RAPH1: variants seen among roughly 807,000 people sequenced by gnomAD.
The protein encoded by RAPH1 is Ras association (RalGDS/AF-6) and pleckstrin homology domains 1.
A neutral mutation model predicts 88.1 loss-of-function variants in RAPH1; 18 were observed. The ratio of observed to expected loss-of-function variants is 0.20; its 90% CI spans 0.14 to 0.30. The LOEUF (loss-of-function observed/expected upper bound fraction) is 0.30. Ranked by LOEUF, RAPH1 falls within the 10% of genes least tolerant of loss-of-function variation. RAPH1 has a pLI of 1.00. For synonymous variants in RAPH1, 587 were observed against 559.0 expected, an observed-to-expected ratio of 1.05 and a Z score of -0.71; for missense variants, 1,448 against 1,543.2, an observed-to-expected ratio of 0.94 and a Z score of 1.03.
intron 4 of RAPH1, among the ~76,000 whole-genome samples, chr2:203,463,447 C>T (rs993337923): frequency 1.6e-4 from 25 of 152,224 alleles, no homozygotes; most frequent in African/African-American, 5.1e-4. Context: ...TTATGAACTA[C>T]TTTTCTATTT....
chr2:203,467,630 A>G (rs1378310823), intron 4 of RAPH1, among the ~76,000 whole-genome samples: 1 of 151,970 alleles, frequency 6.6e-6, no homozygotes, highest in African/African-American at 2.4e-5. Context: ...AAAATTCGCT[A>G]TATACAGGAG....
At position 203,448,091 on chromosome 2, in the gene RAPH1, A is replaced by G; in HGVS notation, c.1513-12T>C. 3 of 1,612,880 alleles carry G rather than the reference A, an allele frequency of 1.9e-6. No individual in the cohort carries two copies. The highest frequency in any genetic ancestry group is 2.5e-6 in the Non-Finnish European group (3 of 1,179,336). On this transcript the variant is annotated splice_polypyrimidine_tract_variant and intron_variant, in intron 11 of 13. Coordinates refer to ENST00000319170, the MANE Select transcript of RAPH1 (RefSeq NM_213589.3). This position sits in a 1 kb window ranked among gnomAD's most constrained non-coding sequence, Gnocchi z 4.1. The stretch of plus-strand genomic sequence containing the variant: ...AGCTGCTTCCCATACTAAAGAGAAG[A>G]CAGGAAATGGTGACATCTAAACTTT...
At chr2:203,514,623 C>T (rs1245853984) in intron 1 of RAPH1, among the ~76,000 whole-genome samples, 2 of 151,976 alleles carry the variant, frequency 1.3e-5, no homozygotes, top group Admixed American at 1.3e-4. Flanking sequence ...GGCGTGATCT[C>T]GGCTCACTGC....
At chr2:203,441,938 A>G in intron 13 of RAPH1, 1 of 1,383,676 alleles carries the variant, frequency 7.2e-7, no homozygotes, top group Non-Finnish European at 9.4e-7. Flanking sequence ...GGAGAGTATG[A>G]GAATGTTGAG....
chr2:203,477,285 A>G (rs1013643320), intron 4 of RAPH1: 3 of 692,082 alleles, frequency 4.3e-6, no homozygotes, highest in South Asian at 1.8e-5. Flanking sequence ...ATAGTAATGA[A>G]AAGTTGCATG....
intron 1 of RAPH1, among the ~76,000 whole-genome samples, chr2:203,506,746 A>ATATATATATATCTATATATATATC (rs1252865697): frequency 8.4e-6 from 1 of 118,866 alleles, no homozygotes; most frequent in African/African-American, 4.2e-5. Flanking sequence ...ATATATCTAT[A>ATATATATATATCTATATATATATC]TATATATATA....
chr2:203,490,108 A>G lies in RAPH1; in HGVS notation c.227-19T>C. On this transcript the variant is annotated intron_variant, in intron 3 of 13. Transcript: ENST00000319170. Reference sequence around the variant, plus strand: ...AGAGCTTCTGCAATGAACAACACATAATGTTTCCAGAATTTATACATTCTA... The same window carrying G: ...AGAGCTTCTGCAATGAACAACACATGATGTTTCCAGAATTTATACATTCTA... 3.2e-6 allele frequency: 5 copies of G among 1,559,298 alleles called. No homozygotes were observed. Among genetic ancestry groups the G allele is most frequent in the Non-Finnish European group, 4.3e-6 (5 of 1,155,038 alleles).
Position 203,495,323 on chromosome 2 carries a change from G to A in RAPH1, c.31C>T (p.His11Tyr). 1 of 1,613,898 alleles carries A rather than the reference G, an allele frequency of 6.2e-7. No individual in the cohort carries two copies. The highest frequency in any genetic ancestry group is 8.5e-7 in the Non-Finnish European group (1 of 1,179,904). MEQLSDEEID[H>Y]GAEEDSDKED... is the part of the protein sequence containing the mutation. The stretch of plus-strand genomic sequence containing the variant: ...TTGTCACTGTCTTCTTCAGCACCAT[G>A]ATCAATTTCTTCATCTGATAGCTGC... Residue 11 changes from histidine to tyrosine, a missense_variant, in exon 2 of 14, where the codon CAT (histidine) becomes TAT (tyrosine). Physicochemically the swap from His to Tyr is moderately conservative, Grantham distance 83. Transcript: ENST00000319170.
chr2:203,514,114 T>C (rs569332612), intron 1 of RAPH1, among the ~76,000 whole-genome samples: 22 of 152,228 alleles, frequency 1.4e-4, no homozygotes, highest in African/African-American at 4.6e-4. Context: ...AGTGCTGGGA[T>C]TGCAGGCATG....
At chr2:203,487,258 A>G (rs747627765) in intron 4 of RAPH1, among the ~76,000 whole-genome samples, 6 of 152,248 alleles carry the variant, frequency 3.9e-5, no homozygotes, top group Non-Finnish European at 8.8e-5. Flanking sequence ...TGGCCAAGAA[A>G]GCACATCCCT....
intron 4 of RAPH1, among the ~76,000 whole-genome samples, chr2:203,486,196 G>C (rs950838675): frequency 6.6e-6 from 1 of 152,080 alleles, no homozygotes; most frequent in Admixed American, 6.5e-5. Flanking sequence ...TCAACTGGGA[G>C]AAAGTCTGAA....
At chr2:203,471,602 C>T (rs990282986) in intron 4 of RAPH1, among the ~76,000 whole-genome samples, 1 of 151,674 alleles carries the variant, frequency 6.6e-6, no homozygotes. Flanking sequence ...ACAAGTGAAA[C>T]TCTTGTCTCA....
chr2:203,483,166 T>C (rs1425563142), intron 4 of RAPH1, among the ~76,000 whole-genome samples: 2 of 152,160 alleles, frequency 1.3e-5, no homozygotes, highest in African/African-American at 4.8e-5. Flanking sequence ...ATGCAAAGCC[T>C]TTAGGTTTGA....
Position 203,459,972 on chromosome 2 carries a change from C to T in RAPH1, c.1027G>A (p.Asp343Asn). The change falls in exon 7 of 14, where the codon GAT becomes AAT. Residue 343 changes from aspartate (D) to asparagine (N), a missense_variant. Physicochemically the swap from Asp to Asn is conservative, Grantham distance 23. Coordinates refer to ENST00000319170, the MANE Select transcript of RAPH1 (RefSeq NM_213589.3). ...LVENLLNWTR[D>N]SQNKLIFMER... is the part of the protein sequence containing the mutation. ...ATAAATATAAGCTTGTTTTGGCTAT[C>T]TCTTGTCCAATTAAGAAGATTTTCA... 1 of 1,611,244 alleles carries T rather than the reference C, an allele frequency of 6.2e-7. No homozygotes were observed. Among genetic ancestry groups the T allele is most frequent in the Non-Finnish European group, 8.5e-7 (1 of 1,177,868 alleles).
At chr2:203,447,139 A>G (rs1280963080) in intron 12 of RAPH1, 3 of 146,784 alleles carry the variant, frequency 2.0e-5, no homozygotes, top group Non-Finnish European at 3.0e-5. Flanking sequence ...CTGCAGCCCT[A>G]TAATTTGCCA....
intron 4 of RAPH1, among the ~76,000 whole-genome samples, chr2:203,487,302 C>T (rs983696460): frequency 1.3e-5 from 2 of 152,122 alleles, no homozygotes; most frequent in Non-Finnish European, 1.5e-5. Flanking sequence ...GCAGGTAAAT[C>T]TAAAGGACAT....
chr2:203,506,898 A>ATTTT (rs1243668890), intron 1 of RAPH1, among the ~76,000 whole-genome samples: 15 of 87,866 alleles, frequency 1.7e-4, no homozygotes, highest in African/African-American at 8.3e-4. Flanking sequence ...ATATATATAT[A>ATTTT]TTTTTTTTTT....
rs776683923 is a variant in RAPH1 at position 203,495,224 on chromosome 2, C to T, written c.120+10G>A. On this transcript the variant is annotated intron_variant, in intron 2 of 13. Transcript: ENST00000319170. ...TCAAATCCTCAACCAGTTTTTCAAG[C>T]ACTACTCACCTGAGTGAGTTTGTCT... 19 of 1,613,252 alleles carry T rather than the reference C, an allele frequency of 1.2e-5. No homozygotes were observed. The highest frequency in any genetic ancestry group is 1.4e-5 in the Non-Finnish European group (17 of 1,179,754).
Position 203,489,692 on chromosome 2 carries a change from G to A in RAPH1, c.624C>T (p.Ser208=). 1 of 1,614,130 alleles carries A rather than the reference G, an allele frequency of 6.2e-7. No homozygotes were observed. Among genetic ancestry groups the A allele is most frequent in the South Asian group, 1.1e-5 (1 of 91,076 alleles). The change falls in exon 4 of 14, where the codon TCC becomes TCT. Residue 208 remains serine, a synonymous_variant. Coordinates refer to ENST00000319170, the MANE Select transcript of RAPH1 (RefSeq NM_213589.3). ...DAEVHSISNS[S]HSSITSAASS... ...AGGCTGCGGAAGTGATGCTGGAATG[G>A]GAGGAATTACTAATAGAGTGTACTT...
Sources: allele counts gnomAD v4.1 joint callset (sites outside exome capture counted in the v4.1 genomes callset), GRCh38; gene constraint gnomAD v4.1.1; non-coding constraint Gnocchi (gnomAD v3.1); transcripts MANE v1.5; gene names NCBI Gene and HGNC (gene_info 2026-07-23, HGNC 2026-07-21).